Variants in LYPD8 observed in about 807,000 individuals in gnomAD.
LYPD8 encodes LY6/PLAUR domain containing 8, also known as ly6/PLAUR domain-containing protein 8.
A neutral mutation model predicts 1.7 loss-of-function variants in LYPD8; 8 were observed. That is an observed-to-expected ratio of 4.58 (90% CI 2.69 to 8.27). LYPD8 has a LOEUF of 8.27. Among genes scored for constraint, LYPD8 ranks in the 30% most tolerant of loss-of-function variants. The pLI is 0.00. For missense variants in LYPD8, 112 were observed against 102.3 expected (o/e 1.09, Z -0.41); for synonymous variants, 50 against 43.6 (o/e 1.15, Z -0.58).
rs1466383367 is a variant in LYPD8, at chr1:248,750,540, TGAG to T, written c.153_155del (p.Ser52del). 7.5e-6 allele frequency: 3 copies of T among 398,624 alleles called. No homozygotes were observed. The highest frequency in any genetic ancestry group is 6.2e-5 in the African/African-American group (3 of 48,730). 24.7% of individuals were successfully genotyped at this position (398,624 alleles called of 1,614,324 possible). A position where few individuals can be genotyped will look rare whatever the true frequency, so the allele number is the denominator to read the frequency against. On this transcript the variant is annotated inframe_deletion, in exon 4 of 7. Transcript: ENST00000590317. ...CAGGCTCACCTAGAGAGGAGCTGGC[TGAG>T]GAGCTGATACAGCTGGTGTTGGCAT...
At chr1:248,753,472 CCACATCACACA>C (rs1228381865) in intron 2 of LYPD8, among the ~76,000 whole-genome samples, 5 of 117,886 alleles carry the variant, frequency 4.2e-5, no homozygotes, top group African/African-American at 9.8e-5. Flanking sequence ...ACACAACACA[CCACATCACACA>C]CACATCACAC....
chr1:248,752,776 A>ACC (rs1662828998), intron 2 of LYPD8, among the ~76,000 whole-genome samples: 1 of 70,876 alleles, frequency 1.4e-5, no homozygotes, highest in Non-Finnish European at 2.8e-5. Flanking sequence ...CACCCCACAC[A>ACC]ACACACACCA....
At chr1:248,752,750 C>A (rs1259103287) in intron 2 of LYPD8, among the ~76,000 whole-genome samples, 2 of 118,882 alleles carry the variant, frequency 1.7e-5, no homozygotes, top group Non-Finnish European at 3.6e-5. Context: ...ACACCACACA[C>A]CCCACACACA....
At position 248,739,580 on chromosome 1, in the gene LYPD8, G is replaced by A. The variant is rs1662545754; in HGVS notation, c.*31C>T. On this transcript the variant is annotated 3_prime_UTR_variant, in exon 7 of 7. Transcript: ENST00000590317. The surrounding 1 kb of genome is among the most constrained non-coding windows in gnomAD (Gnocchi z 4.3). ...CTCTGGACCTCAGAGAAGCAGAAAT[G>A]GGGTGCTGGGCAAAGTGCAGCCCCA... 3 of 1,550,118 alleles carry A rather than the reference G, an allele frequency of 1.9e-6. No homozygotes were observed. Among genetic ancestry groups the A allele is most frequent in the Admixed American group, 2.0e-5 (1 of 50,980 alleles).
At chr1:248,752,822 A>ACC (rs1558208709) in intron 2 of LYPD8, among the ~76,000 whole-genome samples, 1,530 of 73,514 alleles carry the variant, frequency 0.021, 102 homozygotes, top group East Asian at 0.04. Context: ...CACACATCAC[A>ACC]TCACACACAC....
chr1:248,753,476 AT>A, intron 2 of LYPD8, among the ~76,000 whole-genome samples: 1 of 127,578 alleles, frequency 7.8e-6, no homozygotes, highest in African/African-American at 3.1e-5. Flanking sequence ...AACACACCAC[AT>A]CACACACACA....
intron 4 of LYPD8, among the ~76,000 whole-genome samples, chr1:248,750,295 A>G (rs1201319252): frequency 5.1e-5 from 1 of 19,494 alleles, no homozygotes; most frequent in Non-Finnish European, 6.1e-3. Context: ...GGTCACGGGC[A>G]TCAGTCCCAA....
At chr1:248,749,669 GCCTAATCACTTCTGAATGGTCCCA>G (rs1662764217) in intron 4 of LYPD8, among the ~76,000 whole-genome samples, 1 of 152,222 alleles carries the variant, frequency 6.6e-6, no homozygotes, top group African/African-American at 2.4e-5. Context: ...AGTCCTCACA[GCCTAATCACTTCTGAATGGTCCCA>G]CCTCTTAATA....
intron 5 of LYPD8, among the ~76,000 whole-genome samples, chr1:248,745,752 C>G (rs1226013726): frequency 6.6e-6 from 1 of 152,142 alleles, no homozygotes; most frequent in Non-Finnish European, 1.5e-5. Context: ...TAAACTTTGC[C>G]TTTTCAGCCA....
chr1:248,743,654 G>A (rs1662665703), intron 6 of LYPD8, among the ~76,000 whole-genome samples: 1 of 152,006 alleles, frequency 6.6e-6, no homozygotes, highest in African/African-American at 2.4e-5. Flanking sequence ...GCCACATTTT[G>A]GCAGAGCCTG....
chr1:248,746,163 T>G (rs1662723560), intron 5 of LYPD8, among the ~76,000 whole-genome samples: 1 of 152,248 alleles, frequency 6.6e-6, no homozygotes, highest in Non-Finnish European at 1.5e-5. Context: ...CTAGTTACAA[T>G]TTGTAAATAT....
At chr1:248,748,530 CT>C (rs1260698869) in intron 4 of LYPD8, 77 bp from the exon 5 acceptor site, 1 of 398,346 alleles carries the variant, frequency 2.5e-6, no homozygotes. Context: ...AGAATAGCAA[CT>C]GTTTCAGGCA....
rs1385736218 is a variant in LYPD8, at chr1:248,748,275, CG to C, written c.337+13del. The C allele has an allele frequency of 2.2e-6, 1 of 456,288 alleles. No homozygotes were observed. 28.3% of individuals were successfully genotyped at this position (456,288 alleles called of 1,614,324 possible). A position where few individuals can be genotyped will look rare whatever the true frequency, so the allele number is the denominator to read the frequency against. On this transcript the variant is annotated intron_variant, in intron 5 of 6. Coordinates refer to ENST00000590317, the MANE Select transcript of LYPD8 (RefSeq NM_001085474.2). Reference sequence around the variant, plus strand: ...GCACCCACCCAGGGCATCGCCCGCACGGCCAGCACCCACCCAGGGCATCGCT... The same window carrying C: ...GCACCCACCCAGGGCATCGCCCGCACGCCAGCACCCACCCAGGGCATCGCT...
chr1:248,751,513 GTC>G (rs1204903304), intron 2 of LYPD8, among the ~76,000 whole-genome samples: 4 of 152,136 alleles, frequency 2.6e-5, no homozygotes, highest in Non-Finnish European at 1.5e-5. Context: ...CCTTCAGCCA[GTC>G]TCTCACTGCA....
At chr1:248,749,670 C>T (rs1662764191) in intron 4 of LYPD8, among the ~76,000 whole-genome samples, 2 of 152,108 alleles carry the variant, frequency 1.3e-5, no homozygotes, top group South Asian at 4.1e-4. Context: ...GTCCTCACAG[C>T]CTAATCACTT....
At chr1:248,752,000 C>CT (rs1377203973) in intron 2 of LYPD8, among the ~76,000 whole-genome samples, 1 of 152,120 alleles carries the variant, frequency 6.6e-6, no homozygotes, top group Admixed American at 6.5e-5. Context: ...TTCCAACTTG[C>CT]TTGTGTATCA....
chr1:248,745,366 G>C, intron 5 of LYPD8, 87 bp from the exon 6 acceptor site: 1 of 396,680 alleles, frequency 2.5e-6, no homozygotes, highest in Non-Finnish European at 4.4e-6. Flanking sequence ...AAGCACCAAA[G>C]AGATCGGAGA....
intron 5 of LYPD8, among the ~76,000 whole-genome samples, chr1:248,746,614 TCCCCCGCAC>T (rs1662731580): frequency 7.3e-6 from 1 of 136,678 alleles, no homozygotes; most frequent in Non-Finnish European, 1.6e-5. Context: ...ACCCAGGGCA[TCCCCCGCAC>T]GGCCAGCACC....
chr1:248,752,971 A>ACACACACACC (rs1662841797), intron 2 of LYPD8, among the ~76,000 whole-genome samples: 1 of 112,288 alleles, frequency 8.9e-6, no homozygotes, highest in African/African-American at 3.9e-5. Flanking sequence ...ACCCCACACA[A>ACACACACACC]CACACACACA....
Sources: allele counts gnomAD v4.1 joint callset (sites outside exome capture counted in the v4.1 genomes callset), GRCh38; gene constraint gnomAD v4.1.1; non-coding constraint Gnocchi (gnomAD v3.1); transcripts MANE v1.5; gene names NCBI Gene and HGNC (gene_info 2026-07-23, HGNC 2026-07-21).